The following ACMSD variants were observed in gnomAD, a reference collection of about 807,000 sequenced individuals.
ACMSD encodes 2-amino-3-carboxymuconate-6-semialdehyde decarboxylase.
ACMSD carries 37 observed loss-of-function variants against 45.9 expected under a neutral mutation model. That is an observed-to-expected ratio of 0.81 (90% CI 0.62 to 1.06). The LOEUF (loss-of-function observed/expected upper bound fraction) is 1.06. ACMSD is among the 50% of genes least tolerant of loss of function. The probability of loss-of-function intolerance (pLI) is 0.00; values close to 1 mark genes in which losing one functional copy is unlikely to be tolerated. For synonymous variants in ACMSD, 138 were observed against 148.8 expected, an observed-to-expected ratio of 0.93 and a Z score of 0.53; for missense variants, 434 against 420.9, an observed-to-expected ratio of 1.03 and a Z score of -0.27.
chr2:134,859,016 C>T (rs1330544210), intron 2 of ACMSD, among the ~76,000 whole-genome samples: 2 of 149,290 alleles, frequency 1.3e-5, no homozygotes, highest in African/African-American at 2.5e-5. Context: ...AGAAACATAA[C>T]CTCAACCTTG....
In ACMSD at chr2:134,872,932, C is replaced by A. The variant is rs993458638; in HGVS notation, c.849+291C>A. 7.8e-5 allele frequency: 26 copies of A among 334,730 alleles called. 1 individual carries two copies. The highest frequency in any genetic ancestry group is 9.3e-4 in the Middle Eastern group (1 of 1,078). 20.7% of individuals were successfully genotyped at this position (334,730 alleles called of 1,614,324 possible). On this transcript the variant is annotated intron_variant, in intron 8 of 9. Transcript: ENST00000356140. ...ATCAGCTCCTCTTCCTTAGCGACATCCCTATATGCACCCAAAATGACACAT... is the reference window on the plus strand; with the variant it reads ...ATCAGCTCCTCTTCCTTAGCGACATACCTATATGCACCCAAAATGACACAT...
intron 8 of ACMSD, among the ~76,000 whole-genome samples, chr2:134,887,408 C>T (rs2197579): frequency 0.58 from 88,215 of 151,934 alleles, 27,228 homozygotes; most frequent in Middle Eastern, 0.91. Flanking sequence ...CATTCTTTTT[C>T]TTTCTTTCTT....
At position 134,874,963 on chromosome 2, in the gene ACMSD, C is replaced by T. The variant is rs79747158; in HGVS notation, c.849+2322C>T. ...TGGGAATATAAAGGTAATTATCAAA[C>T]GATGCATGCTAAAATGGTAAAAGTG... On this transcript the variant is annotated intron_variant, in intron 8 of 9. Transcript: ENST00000356140. Among the ~76,000 whole-genome samples the T allele has an allele frequency of 1.2e-4, 19 of 152,210 alleles. No individual in the cohort carries two copies. In the East Asian group the frequency reaches 2.5e-3, roughly 20 times the overall value.
chr2:134,875,811 A>T (rs1014930701), intron 8 of ACMSD, among the ~76,000 whole-genome samples: 1 of 152,198 alleles, frequency 6.6e-6, no homozygotes, highest in African/African-American at 2.4e-5. Context: ...AATTACAGTC[A>T]TGCATCACTT....
At chr2:134,867,775 C>A in intron 6 of ACMSD, 103 bp downstream of exon 6, 1 of 901,490 alleles carries the variant, frequency 1.1e-6, no homozygotes, top group Non-Finnish European at 1.8e-6. Context: ...GAATAATTAA[C>A]AGGATTATGA....
intron 2 of ACMSD, among the ~76,000 whole-genome samples, chr2:134,853,992 G>A (rs886071220): frequency 2.6e-5 from 4 of 152,144 alleles, no homozygotes; most frequent in African/African-American, 9.7e-5. Context: ...GATGGAAAAT[G>A]GCTTCATAAA....
intron 7 of ACMSD, 135 bp downstream of exon 7, chr2:134,871,195 T>C: frequency 5.0e-6 from 4 of 806,054 alleles, no homozygotes; most frequent in Non-Finnish European, 7.8e-6. Context: ...GCTGGCAGGG[T>C]TGGTTTCTAG....
At chr2:134,853,268 G>T (rs963210746) in intron 2 of ACMSD, among the ~76,000 whole-genome samples, 5 of 152,068 alleles carry the variant, frequency 3.3e-5, no homozygotes, top group Admixed American at 3.3e-4. Flanking sequence ...CTTGTTTGGG[G>T]ATAGTATTAG....
At chr2:134,871,837 TTCATGGATATGCCA>T (rs1688461498) in intron 7 of ACMSD, among the ~76,000 whole-genome samples, 1 of 152,162 alleles carries the variant, frequency 6.6e-6, no homozygotes, top group African/African-American at 2.4e-5. Flanking sequence ...GGCCTTATAT[TTCATGGATATGCCA>T]TCATGACTCA....
At position 134,882,011 on chromosome 2, in the gene ACMSD, G is replaced by A. The variant is rs571125896; in HGVS notation, c.849+9370G>A. Among the ~76,000 whole-genome samples the A allele has an allele frequency of 2.2e-3, 334 of 152,176 alleles. 4 individuals are homozygous for A. Among genetic ancestry groups the A allele is most frequent in the South Asian group, 0.021 (99 of 4,820 alleles). ...CGGGCACCTGTAATCTCAGCTACTC[G>A]GGAGGCTGAGGCATGAGAATCACTT... On this transcript the variant is annotated intron_variant, in intron 8 of 9. Coordinates refer to ENST00000356140, the MANE Select transcript of ACMSD (RefSeq NM_138326.3).
intron 5 of ACMSD, among the ~76,000 whole-genome samples, chr2:134,863,932 C>A (rs981564999): frequency 6.6e-6 from 1 of 152,104 alleles, no homozygotes; most frequent in Non-Finnish European, 1.5e-5. Context: ...ACCCTCTTTA[C>A]AGCCACTGTG....
chr2:134,848,212 C>T (rs1687172531), intron 2 of ACMSD, among the ~76,000 whole-genome samples: 1 of 152,202 alleles, frequency 6.6e-6, no homozygotes, highest in Admixed American at 6.5e-5. Flanking sequence ...CAAGTCTTTG[C>T]TATTGTGAAT....
chr2:134,897,612 C>CA (rs1438575918), intron 8 of ACMSD, among the ~76,000 whole-genome samples: 34 of 152,184 alleles, frequency 2.2e-4, no homozygotes, highest in Admixed American at 1.3e-3. Flanking sequence ...CCATTATTGA[C>CA]ATAATATCTT....
At chr2:134,892,656 T>C (rs1006095107) in intron 8 of ACMSD, among the ~76,000 whole-genome samples, 19 of 152,050 alleles carry the variant, frequency 1.2e-4, no homozygotes, top group Non-Finnish European at 5.9e-5. Context: ...GGGAGTCCAT[T>C]GTATACTTCA....
rs1205767711 is a variant in ACMSD at position 134,893,294 on chromosome 2, GCTC to G, written c.850-5046_850-5044del. Among the ~76,000 whole-genome samples the G allele has an allele frequency of 3.3e-5, 5 of 150,268 alleles. No homozygotes were observed. In the East Asian group the frequency reaches 9.9e-4, roughly 30 times the overall value. On this transcript the variant is annotated intron_variant, in intron 8 of 9. Transcript: ENST00000356140. ...GCTCACTGCAGCCTCCATCTCCCAGGCTCATGCAATCCTTCCACCTCAGCCTCC... is the reference window on the plus strand; with the variant it reads ...GCTCACTGCAGCCTCCATCTCCCAGGATGCAATCCTTCCACCTCAGCCTCC...
chr2:134,901,294 G>A (rs1573742248), intron 9 of ACMSD, among the ~76,000 whole-genome samples: 1 of 152,132 alleles, frequency 6.6e-6, no homozygotes. Context: ...AAAATTTTAA[G>A]ATGTACGGAT....
At chr2:134,863,289 A>T in intron 4 of ACMSD, 106 bp from the exon 5 acceptor site, 1 of 1,166,768 alleles carries the variant, frequency 8.6e-7, no homozygotes, top group South Asian at 1.4e-5. Flanking sequence ...TGGTAAAGCC[A>T]CTGAAAATGA....
intron 2 of ACMSD, among the ~76,000 whole-genome samples, chr2:134,846,057 G>A (rs1450584654): frequency 6.6e-6 from 1 of 152,178 alleles, no homozygotes; most frequent in African/African-American, 2.4e-5. Flanking sequence ...AGAGATTTGG[G>A]CACCAAGGAT....
chr2:134,875,632 A>G (rs185908339), intron 8 of ACMSD, among the ~76,000 whole-genome samples: 1 of 152,232 alleles, frequency 6.6e-6, no homozygotes, highest in Non-Finnish European at 1.5e-5. Context: ...TCAGTCTAAC[A>G]CTGTGAGAAA....
Sources: gnomAD v4.1 joint callset for allele counts (sites outside exome capture counted in the v4.1 genomes callset) on GRCh38, gnomAD v4.1.1 for gene constraint, MANE v1.5 for transcripts, NCBI Gene and HGNC (gene_info 2026-07-23, HGNC 2026-07-21) for gene names.